Variants in DOCK1 observed in about 807,000 individuals in gnomAD.
DOCK1 encodes dedicator of cytokinesis 1.
DOCK1 carries 138 observed loss-of-function variants against 262.7 expected under a neutral mutation model. The ratio of observed to expected loss-of-function variants is 0.53; its 90% CI spans 0.46 to 0.61. The LOEUF (loss-of-function observed/expected upper bound fraction) is 0.61, where lower values mean the gene tolerates loss of function less well. Among genes scored for constraint, DOCK1 ranks in the 20% least tolerant of loss-of-function variants. The pLI, the probability that DOCK1 is intolerant of heterozygous loss-of-function variation, is 0.00. For missense variants in DOCK1, 1,908 were observed against 2,370.7 expected (o/e 0.80, Z 4.05); for synonymous variants, 866 against 867.4 (o/e 1.00, Z 0.03).
intron 25 of DOCK1, among the ~76,000 whole-genome samples, chr10:127,122,261 G>C (rs2049639204): frequency 6.6e-6 from 1 of 152,150 alleles, no homozygotes; most frequent in Admixed American, 6.5e-5. Flanking sequence ...GTGACGGACG[G>C]TACTGTAAGG....
At chr10:126,991,437 C>A (rs979089291) in intron 6 of DOCK1, among the ~76,000 whole-genome samples, 4 of 152,014 alleles carry the variant, frequency 2.6e-5, no homozygotes, top group Non-Finnish European at 5.9e-5. Context: ...ACTGGGATAG[C>A]TGTTGAATTA....
chr10:127,037,877 T>C (rs1191356613), intron 19 of DOCK1, 61 bp downstream of exon 19: 4 of 1,274,720 alleles, frequency 3.1e-6, no homozygotes, highest in Non-Finnish European at 4.3e-6. Flanking sequence ...TAATGTATGT[T>C]AACAGAAGTA....
At chr10:127,313,884 G>A (rs909462494) in intron 29 of DOCK1, among the ~76,000 whole-genome samples, 3 of 128,478 alleles carry the variant, frequency 2.3e-5, no homozygotes, top group African/African-American at 4.2e-5. Context: ...CAGCTTGCTC[G>A]TATTTGTTTG....
chr10:127,012,910 G>A lies in DOCK1; in HGVS notation c.1201+536G>A, dbSNP rs1040761794. Among the ~76,000 whole-genome samples, 5 of 152,198 alleles carry A rather than the reference G, an allele frequency of 3.3e-5. No homozygotes were observed. Among genetic ancestry groups the A allele is most frequent in the African/African-American group, 1.2e-4 (5 of 41,436 alleles). On this transcript the variant is annotated intron_variant, in intron 12 of 51. Transcript: ENST00000623213. The surrounding 1 kb of genome is among the most constrained non-coding windows in gnomAD (Gnocchi z 4.0). ...TGACAGTTGGCACTTGGCTGGCCAG[G>A]AGGGCTGCCAGGAAACAACTGTGAC...
rs138291636 is a variant in DOCK1 at position 127,324,738 on chromosome 10, C to A, written c.3045-14268C>A. On this transcript the variant is annotated intron_variant, in intron 29 of 51. Transcript: ENST00000623213. ...GTCTTAGATCAAAGTCAGCCACACA[C>A]ACAGACATTTATGAAAAATAGTTTT... Among the ~76,000 whole-genome samples the A allele has an allele frequency of 3.1e-3, 478 of 152,300 alleles. 1 individual carries two copies. Among genetic ancestry groups the A allele is most frequent in the Middle Eastern group, 0.01 (3 of 294 alleles).
At chr10:127,301,889 T>C (rs956831519) in intron 29 of DOCK1, among the ~76,000 whole-genome samples, 2 of 148,110 alleles carry the variant, frequency 1.4e-5, no homozygotes, top group Non-Finnish European at 3.0e-5. Context: ...GAGGTTGCAG[T>C]GAGCTGAGAT....
chr10:127,095,869 A>G (rs55954992), intron 23 of DOCK1, among the ~76,000 whole-genome samples: 10,357 of 152,168 alleles, frequency 0.068, 928 homozygotes, highest in African/African-American at 0.21. Flanking sequence ...GAAGAATCTC[A>G]GGAAGTTTGT....
chr10:127,343,677 C>T lies in DOCK1; in HGVS notation c.3155C>T (p.Ala1052Val). 6.2e-7 allele frequency: 1 copy of T among 1,611,430 alleles called. No individual in the cohort carries two copies. Among genetic ancestry groups the T allele is most frequent in the South Asian group, 1.1e-5 (1 of 89,938 alleles). ...LWNNYFHLAV[A>V]FLTQESLQLE... Reference sequence around the variant, plus strand: ...AACAACTACTTTCACCTGGCTGTTGCTTTCCTTACTCAAGAGTCCCTGCAA... The same window carrying T: ...AACAACTACTTTCACCTGGCTGTTGTTTTCCTTACTCAAGAGTCCCTGCAA... The change falls in exon 31 of 52, where the codon GCT (alanine) becomes GTT (valine). Residue 1052 changes from alanine to valine, a missense_variant. Ala to Val is a moderately conservative substitution (Grantham distance 64, BLOSUM62 0). This residue lies in a region of DOCK1 where 518 missense variants were observed against 575.1 expected (regional missense o/e 0.90). Coordinates refer to ENST00000623213, the MANE Select transcript of DOCK1 (RefSeq NM_001290223.2).
intron 1 of DOCK1, among the ~76,000 whole-genome samples, chr10:126,915,961 T>C (rs1335948419): frequency 2.0e-5 from 3 of 152,238 alleles, no homozygotes; most frequent in African/African-American, 7.2e-5. Context: ...AAATAACTCT[T>C]GTCTATGAGT....
At chr10:127,397,344 T>G (rs1214515008) in intron 38 of DOCK1, among the ~76,000 whole-genome samples, 1 of 131,538 alleles carries the variant, frequency 7.6e-6, no homozygotes, top group South Asian at 2.5e-4. Context: ...ACGGGCGGTG[T>G]CTCCTATGTG....
intron 4 of DOCK1, 45 bp downstream of exon 4, chr10:126,982,018 A>G: frequency 6.3e-7 from 1 of 1,599,240 alleles, no homozygotes; most frequent in South Asian, 1.1e-5. Context: ...CAAGTACTAT[A>G]TTTGGCCTTG....
intron 27 of DOCK1, among the ~76,000 whole-genome samples, chr10:127,133,794 T>C (rs927452898): frequency 1.2e-4 from 18 of 152,258 alleles, no homozygotes; most frequent in African/African-American, 4.3e-4. Context: ...CACTGTAGCA[T>C]GATGACTTTA....
At chr10:126,936,523 A>G (rs2034567000) in intron 1 of DOCK1, among the ~76,000 whole-genome samples, 1 of 152,218 alleles carries the variant, frequency 6.6e-6, no homozygotes, top group Admixed American at 6.5e-5. Context: ...TTTCCAAAGT[A>G]TTTAAAAACA....
intron 14 of DOCK1, 49 bp downstream of exon 14, chr10:127,023,373 C>T (rs2042584850): frequency 6.2e-7 from 1 of 1,606,560 alleles, no homozygotes; most frequent in African/African-American, 1.3e-5. Flanking sequence ...TTTTACTTGC[C>T]AAGTGCTCAC....
intron 29 of DOCK1, among the ~76,000 whole-genome samples, chr10:127,275,615 G>A (rs1278509060): frequency 1.3e-5 from 2 of 152,140 alleles, no homozygotes; most frequent in Non-Finnish European, 2.9e-5. Flanking sequence ...AGGTGGAAAC[G>A]CTGGGATGGA....
chr10:127,192,586 T>C (rs555292867), intron 27 of DOCK1: 1 of 152,368 alleles, frequency 6.6e-6, no homozygotes, highest in Admixed American at 6.5e-5. Flanking sequence ...AAATGCACAC[T>C]GAATATCCTG....
chr10:126,916,660 CCTTT>C (rs1240222755), intron 1 of DOCK1, among the ~76,000 whole-genome samples: 5 of 152,008 alleles, frequency 3.3e-5, no homozygotes, highest in Admixed American at 3.3e-4. Context: ...TTCCTTCTGT[CCTTT>C]CTTCCTCCCC....
At chr10:127,070,161 G>A (rs1243918944) in intron 23 of DOCK1, among the ~76,000 whole-genome samples, 1 of 151,844 alleles carries the variant, frequency 6.6e-6, no homozygotes, top group African/African-American at 2.4e-5. Context: ...CTCTACTGTG[G>A]CGTGGCCTCA....
At chr10:127,163,401 GAGA>G (rs759371232) in intron 27 of DOCK1, among the ~76,000 whole-genome samples, 60 of 152,222 alleles carry the variant, frequency 3.9e-4, no homozygotes, top group African/African-American at 1.2e-3. Flanking sequence ...CTCCCTCCAC[GAGA>G]AGGTCAACAC....
Sources: allele counts gnomAD v4.1 joint callset (sites outside exome capture counted in the v4.1 genomes callset), GRCh38; gene constraint gnomAD v4.1.1; regional missense constraint gnomAD v4.1.1; non-coding constraint Gnocchi (gnomAD v3.1); transcripts MANE v1.5; gene names NCBI Gene and HGNC (gene_info 2026-07-23, HGNC 2026-07-21).